The following C17orf75 variants were observed in gnomAD, a reference collection of about 807,000 sequenced individuals.
The protein encoded by C17orf75 is protein Njmu-R1.
C17orf75 carries 32 observed loss-of-function variants against 49.6 expected under a neutral mutation model. That is an observed-to-expected ratio of 0.65 (90% confidence interval 0.49 to 0.87). The LOEUF is 0.87. Ranked by LOEUF, C17orf75 falls within the 40% of genes least tolerant of loss-of-function variation. The pLI is 0.00. For missense variants in C17orf75, 428 were observed against 473.9 expected (o/e 0.90, Z 0.90); for synonymous variants, 158 against 159.5 (o/e 0.99, Z 0.07).
upstream of C17orf75, chr17:32,343,792 T>C: frequency 3.0e-6 from 2 of 665,740 alleles, no homozygotes; most frequent in South Asian, 3.0e-5. Context: ...GGACAACACA[T>C]GACAGAGGCA....
At chr17:32,343,359 A>T (rs974024504), upstream of C17orf75, among the ~76,000 whole-genome samples, 3 of 152,164 alleles carry the variant, frequency 2.0e-5, no homozygotes, top group East Asian at 3.9e-4. Flanking sequence ...AAAACTTCAT[A>T]AAGTTAAAAG....
At chr17:32,347,023 C>T (rs180873144), upstream of C17orf75, among the ~76,000 whole-genome samples, 1 of 152,078 alleles carries the variant, frequency 6.6e-6, no homozygotes, top group African/African-American at 2.4e-5. Context: ...ACAATCTCAG[C>T]TCACTGCAAC....
intron 1 of C17orf75, among the ~76,000 whole-genome samples, chr17:32,349,342 G>GCA (rs1370583084): frequency 1.5e-4 from 23 of 152,034 alleles, no homozygotes; most frequent in African/African-American, 5.3e-4. Context: ...AGCACTTTGG[G>GCA]AGGCCGAGGC....
At chr17:32,337,210 C>T (rs1326987511) in intron 5 of C17orf75, among the ~76,000 whole-genome samples, 1 of 152,120 alleles carries the variant, frequency 6.6e-6, no homozygotes, top group Non-Finnish European at 1.5e-5. Flanking sequence ...TCTGTAATCT[C>T]AGCACTTTGG....
intron 1 of C17orf75, among the ~76,000 whole-genome samples, chr17:32,348,848 C>T (rs889911509): frequency 6.8e-6 from 1 of 146,858 alleles, no homozygotes; most frequent in African/African-American, 2.5e-5. Context: ...TGACCAGCAC[C>T]TTCACTGACA....
intron 1 of C17orf75, chr17:32,349,813 A>T (rs2041467196): frequency 1.7e-6 from 1 of 599,786 alleles, no homozygotes; most frequent in Non-Finnish European, 2.1e-6. Flanking sequence ...ATCAACATTT[A>T]CTGTTCAATT....
At chr17:32,346,135 G>C (rs756501805), upstream of C17orf75, among the ~76,000 whole-genome samples, 2 of 151,924 alleles carry the variant, frequency 1.3e-5, no homozygotes, top group Non-Finnish European at 2.9e-5. Context: ...TCACTACAAC[G>C]AGAGGCACAG....
At chr17:32,343,858 A>T, upstream of C17orf75, 1 of 677,444 alleles carries the variant, frequency 1.5e-6, no homozygotes. Flanking sequence ...TAAGCAGAAG[A>T]ACTTCCTGGA....
intron 3 of C17orf75, 49 bp from the exon 4 acceptor site, chr17:32,338,400 T>C (rs1232127681): frequency 6.4e-7 from 1 of 1,556,796 alleles, no homozygotes; most frequent in Admixed American, 2.0e-5. Flanking sequence ...TACTCATGCA[T>C]CTATAATTTT....
chr17:32,333,979 C>T (rs951221927), intron 8 of C17orf75, among the ~76,000 whole-genome samples: 6 of 152,124 alleles, frequency 3.9e-5, no homozygotes, highest in Admixed American at 2.6e-4. Flanking sequence ...TACCTTTGCA[C>T]GTGTAAGCCT....
At position 32,331,792 on chromosome 17, in the gene C17orf75, T is replaced by C; in HGVS notation, c.1162A>G (p.Met388Val). ...AAACTTTGGTCAAGAGCTTCTTTCA[T>C]GAATTCTTCAAGGACAGCTATCACA... ...KNVIAVLEEF[M>V]KEALDQSF Residue 388 changes from methionine to valine, a missense_variant, in exon 10 of 10, where the codon ATG becomes GTG. Physicochemically the swap from Met to Val is conservative, Grantham distance 21 (BLOSUM62 1). Transcript: ENST00000577809. 6.2e-7 allele frequency: 1 copy of C among 1,613,764 alleles called. No individual in the cohort carries two copies. Among genetic ancestry groups the C allele is most frequent in the Non-Finnish European group, 8.5e-7 (1 of 1,179,742 alleles).
At chr17:32,339,523 G>T in intron 3 of C17orf75, among the ~76,000 whole-genome samples, 1 of 151,840 alleles carries the variant, frequency 6.6e-6, no homozygotes, top group East Asian at 1.9e-4. Flanking sequence ...GGAGGTCAAG[G>T]CTGCAGTGAG....
At chr17:32,335,190 G>T in intron 6 of C17orf75, 133 bp downstream of exon 6, 2 of 1,104,232 alleles carry the variant, frequency 1.8e-6, no homozygotes, top group Non-Finnish European at 1.3e-6. Context: ...ATAAAGTGTG[G>T]TCTATCTTGA....
chr17:32,349,953 G>T, exon 1 of C17orf75: 1 of 1,141,096 alleles, frequency 8.8e-7, no homozygotes. Context: ...TGGGGCTCCG[G>T]CTCCTTTACA....
upstream of C17orf75, among the ~76,000 whole-genome samples, chr17:32,343,204 C>T (rs2041397014): frequency 6.6e-6 from 1 of 152,148 alleles, no homozygotes; most frequent in African/African-American, 2.4e-5. Flanking sequence ...AGAGTATGTC[C>T]CCACCAGCAC....
intron 3 of C17orf75, 129 bp downstream of exon 3, chr17:32,339,684 T>C: frequency 7.2e-6 from 9 of 1,243,050 alleles, no homozygotes; most frequent in Non-Finnish European, 1.0e-5. Context: ...TGAGGCCCAG[T>C]GCTCGGGCTG....
rs2041288369 is a variant in C17orf75, at chr17:32,332,767, TAAAAC to T, written c.975+645_975+649del. Among the ~76,000 whole-genome samples the T allele has an allele frequency of 2.0e-5, 3 of 152,058 alleles. No individual in the cohort carries two copies. In the South Asian group the frequency reaches 6.2e-4, roughly 32 times the overall value. On this transcript the variant is annotated intron_variant, in intron 9 of 9. Transcript: ENST00000577809. ...AGTGACAGAGTAAGATTCTGTCTCT[TAAAAC>T]AAACAAACAAAACTAAATAAGGTGA...
At chr17:32,343,312 T>G (rs1435438097), upstream of C17orf75, among the ~76,000 whole-genome samples, 2 of 152,064 alleles carry the variant, frequency 1.3e-5, no homozygotes, top group East Asian at 3.8e-4. Flanking sequence ...TGTGTTTTTT[T>G]TTTTTATTTT....
chr17:32,343,076 G>A (rs1330620976), upstream of C17orf75, among the ~76,000 whole-genome samples: 2 of 152,144 alleles, frequency 1.3e-5, no homozygotes, highest in African/African-American at 4.8e-5. Flanking sequence ...ATAGCGCCAC[G>A]TGAAGGAGGA....
Sources: allele counts gnomAD v4.1 joint callset (sites outside exome capture counted in the v4.1 genomes callset), GRCh38; gene constraint gnomAD v4.1.1; transcripts MANE v1.5; gene names NCBI Gene and HGNC (gene_info 2026-07-23, HGNC 2026-07-21).